The following SHROOM3 variants were observed in gnomAD, a reference collection of about 807,000 sequenced individuals.
SHROOM3 encodes protein Shroom3.
SHROOM3 carries 47 observed loss-of-function variants against 138.6 expected under a neutral mutation model. That is an observed-to-expected ratio of 0.34 (90% CI 0.27 to 0.43). The LOEUF (loss-of-function observed/expected upper bound fraction) is 0.43. Among genes scored for constraint, SHROOM3 ranks in the 20% least tolerant of loss-of-function variants. The pLI is 1.00. For missense variants in SHROOM3, 2,491 were observed against 2,596.5 expected (o/e 0.96, Z 0.88); for synonymous variants, 1,062 against 1,063.3 (o/e 1.00, Z 0.02).
intron 3 of SHROOM3, chr4:76,716,387 T>C (rs1209762905): frequency 3.9e-6 from 2 of 518,938 alleles, no homozygotes; most frequent in Non-Finnish European, 7.7e-6. Flanking sequence ...GGTTGCTATC[T>C]GGGATGTTTC....
intron 2 of SHROOM3, among the ~76,000 whole-genome samples, chr4:76,654,513 G>C (rs1736024135): frequency 6.6e-6 from 1 of 152,094 alleles, no homozygotes; most frequent in African/African-American, 2.4e-5. Flanking sequence ...TTTTTTTGTA[G>C]AGATGGGGTT....
At chr4:76,567,261 G>A (rs1475240383) in intron 2 of SHROOM3, among the ~76,000 whole-genome samples, 1 of 152,156 alleles carries the variant, frequency 6.6e-6, no homozygotes, top group African/African-American at 2.4e-5. Context: ...GGTGCCAGGC[G>A]CGGTTGCTCA....
At chr4:76,527,505 C>T (rs1003189680) in intron 1 of SHROOM3, among the ~76,000 whole-genome samples, 3 of 152,182 alleles carry the variant, frequency 2.0e-5, no homozygotes, top group Admixed American at 2.0e-4. Flanking sequence ...ATTGCTTGAA[C>T]CCGGGAGGTA....
rs1339175750 is a variant in SHROOM3, at chr4:76,454,194, C to T, written c.168+17974C>T. Among the ~76,000 whole-genome samples, 3 of 152,254 alleles carry T rather than the reference C, an allele frequency of 2.0e-5. No individual in the cohort carries two copies. The East Asian group carries it at 5.8e-4, about 29-fold the overall frequency. On this transcript the variant is annotated intron_variant, in intron 1 of 10. Coordinates refer to ENST00000296043, the MANE Select transcript of SHROOM3 (RefSeq NM_020859.4). Reference sequence around the variant, plus strand: ...GAGTGGCTGGGATTATAGGCGTCAACCACCACACCTGACTAATTTTTGTAT... The same window carrying T: ...GAGTGGCTGGGATTATAGGCGTCAATCACCACACCTGACTAATTTTTGTAT...
chr4:76,601,054 A>G (rs1359338381), intron 2 of SHROOM3, among the ~76,000 whole-genome samples: 3 of 152,192 alleles, frequency 2.0e-5, no homozygotes, highest in Non-Finnish European at 4.4e-5. Flanking sequence ...AAAAGCCACA[A>G]TTACTTCTGC....
rs1197019625 is a variant in SHROOM3, at chr4:76,756,719, G to A, written c.4980G>A (p.Gln1660=). 35 of 1,614,024 alleles carry A rather than the reference G, an allele frequency of 2.2e-5. No individual in the cohort carries two copies. The highest frequency in any genetic ancestry group is 3.0e-5 in the Non-Finnish European group (35 of 1,180,032). Residue 1660 remains glutamine (Q), a synonymous_variant, in exon 8 of 11, where the codon CAG becomes CAA. Coordinates refer to ENST00000296043, the MANE Select transcript of SHROOM3 (RefSeq NM_020859.4). ...AAAAGAAAGTCAGTCCTGATCCTCA[G>A]AAGAGTTCAGAAGACATCAGAACAG... ...GLEKKVSPDP[Q]KSSEDIRTEA...
chr4:76,761,337 A>G (rs1198747027), intron 9 of SHROOM3, among the ~76,000 whole-genome samples: 2 of 152,250 alleles, frequency 1.3e-5, no homozygotes, highest in Admixed American at 6.5e-5. Flanking sequence ...ATATGAAGAA[A>G]TAGAGAATTC....
intron 2 of SHROOM3, among the ~76,000 whole-genome samples, chr4:76,650,534 T>C (rs1449078111): frequency 6.7e-6 from 1 of 148,446 alleles, no homozygotes; most frequent in African/African-American, 2.5e-5. Context: ...TATTTATTTA[T>C]TTATTTATTT....
intron 7 of SHROOM3, among the ~76,000 whole-genome samples, chr4:76,755,830 G>A (rs1721790641): frequency 6.6e-6 from 1 of 152,118 alleles, no homozygotes; most frequent in African/African-American, 2.4e-5. Flanking sequence ...AAAACCTCTT[G>A]GAAGCTAGGA....
At chr4:76,742,749 G>A (rs1721302791) in intron 5 of SHROOM3, among the ~76,000 whole-genome samples, 1 of 152,118 alleles carries the variant, frequency 6.6e-6, no homozygotes, top group Non-Finnish European at 1.5e-5. Context: ...TTCCACTGTA[G>A]ACCAGGGGCC....
chr4:76,770,048 C>T (rs1722297471), intron 9 of SHROOM3, among the ~76,000 whole-genome samples: 2 of 152,104 alleles, frequency 1.3e-5, no homozygotes, highest in South Asian at 4.1e-4. Flanking sequence ...ATTGGCCAGG[C>T]ACAGTGGCTT....
rs530553677 is a variant in SHROOM3 at position 76,629,307 on chromosome 4, G to A, written c.323+73544G>A. On this transcript the variant is annotated intron_variant, in intron 2 of 10. Coordinates refer to ENST00000296043, the MANE Select transcript of SHROOM3 (RefSeq NM_020859.4). The stretch of plus-strand genomic sequence containing the variant: ...TGGTCTGTTTGAAAAAGAGCAAGAA[G>A]GCCACTGTGGCTGGGGCAGAGTGAG... Among the ~76,000 whole-genome samples, 3 of 152,298 alleles carry A rather than the reference G, an allele frequency of 2.0e-5. No individual in the cohort carries two copies. In the South Asian group the frequency reaches 6.2e-4, roughly 32 times the overall value.
At chr4:76,587,955 A>G (rs1324644848) in intron 2 of SHROOM3, among the ~76,000 whole-genome samples, 1 of 152,226 alleles carries the variant, frequency 6.6e-6, no homozygotes, top group African/African-American at 2.4e-5. Context: ...CCTAGAGAAT[A>G]TATAAATCAA....
intron 1 of SHROOM3, among the ~76,000 whole-genome samples, chr4:76,537,870 A>G (rs1733013984): frequency 6.6e-6 from 1 of 152,058 alleles, no homozygotes; most frequent in African/African-American, 2.4e-5. Flanking sequence ...TGGTTCTACA[A>G]CTCTGTGAAT....
chr4:76,650,408 C>T (rs1207488500), intron 2 of SHROOM3, among the ~76,000 whole-genome samples: 1 of 152,120 alleles, frequency 6.6e-6, no homozygotes, highest in Non-Finnish European at 1.5e-5. Flanking sequence ...AAGAGATCTA[C>T]TATACAATCT....
chr4:76,506,083 A>G (rs1273525390), intron 1 of SHROOM3, among the ~76,000 whole-genome samples: 1 of 152,206 alleles, frequency 6.6e-6, no homozygotes, highest in East Asian at 1.9e-4. Flanking sequence ...AGGGACATGG[A>G]TGAAGCTGGA....
chr4:76,688,909 T>C, intron 2 of SHROOM3: 1 of 983,588 alleles, frequency 1.0e-6, no homozygotes, highest in South Asian at 4.7e-5. Context: ...TGACTTACAC[T>C]GAGAAGAGGG....
rs540863066 is a variant in SHROOM3, at chr4:76,710,265, G to T, written c.433G>T (p.Val145Phe). The T allele has an allele frequency of 1.2e-6, 2 of 1,613,836 alleles. No homozygotes were observed. Among genetic ancestry groups the T allele is most frequent in the Non-Finnish European group, 1.7e-6 (2 of 1,179,940 alleles). The change falls in exon 3 of 11, where the codon GTT becomes TTT. Residue 145 changes from valine (V) to phenylalanine (F), a missense_variant. Transcript: ENST00000296043. Reference sequence around the variant, plus strand: ...CAGGAAAGCAGCGTGGTCAGGAGGGGTTAAACTTCGGCTGAAGCACAGGTA... The same window carrying T: ...CAGGAAAGCAGCGTGGTCAGGAGGGTTTAAACTTCGGCTGAAGCACAGGTA... ...QHRKAAWSGG[V>F]KLRLKHRRSE...
intron 2 of SHROOM3, among the ~76,000 whole-genome samples, chr4:76,707,277 G>A (rs1720085132): frequency 6.6e-6 from 1 of 152,214 alleles, no homozygotes; most frequent in Non-Finnish European, 1.5e-5. Context: ...AAAGGAAGGA[G>A]AGTGAGTGGT....
Sources: gnomAD v4.1 joint callset for allele counts (sites outside exome capture counted in the v4.1 genomes callset) on GRCh38, gnomAD v4.1.1 for gene constraint, MANE v1.5 for transcripts, NCBI Gene and HGNC (gene_info 2026-07-23, HGNC 2026-07-21) for gene names.